Variants in ZRANB3 observed in about 807,000 individuals in gnomAD.
ZRANB3 encodes the protein zinc finger RANBP2-type containing 3.
ZRANB3 carries 125 observed loss-of-function variants against 133.8 expected under a neutral mutation model. That is an observed-to-expected ratio of 0.93 (90% confidence interval 0.81 to 1.08). The LOEUF (loss-of-function observed/expected upper bound fraction) is 1.08, where lower values mean the gene tolerates loss of function less well. Ranked by LOEUF, ZRANB3 falls within the 50% of genes least tolerant of loss-of-function variation. The pLI is 0.00. For synonymous variants in ZRANB3, 387 were observed against 432.7 expected (o/e 0.89, Z 1.31); for missense variants, 1,229 against 1,275.5 (o/e 0.96, Z 0.56).
intron 5 of ZRANB3, among the ~76,000 whole-genome samples, chr2:135,347,115 T>C (rs1163972703): frequency 6.6e-6 from 1 of 152,230 alleles, no homozygotes; most frequent in Non-Finnish European, 1.5e-5. Context: ...ACACATATAG[T>C]ATTTTCATTC....
At chr2:135,200,797 C>G (rs535635825) in intron 20 of ZRANB3, among the ~76,000 whole-genome samples, 1 of 146,972 alleles carries the variant, frequency 6.8e-6, no homozygotes, top group South Asian at 2.2e-4. Flanking sequence ...GTTCTTTTGC[C>G]GAGGCTGAAG....
At chr2:135,248,572 TAAAC>T (rs1249545587) in intron 12 of ZRANB3, among the ~76,000 whole-genome samples, 1 of 134,438 alleles carries the variant, frequency 7.4e-6, no homozygotes, top group Non-Finnish European at 1.5e-5. Context: ...ATAAGAAACT[TAAAC>T]AAATTTACAA....
intron 2 of ZRANB3, among the ~76,000 whole-genome samples, chr2:135,467,949 A>G (rs1290046061): frequency 6.6e-6 from 1 of 152,244 alleles, no homozygotes; most frequent in Non-Finnish European, 1.5e-5. Flanking sequence ...TACCAGCTCA[A>G]TATACATGTG....
intron 2 of ZRANB3, among the ~76,000 whole-genome samples, chr2:135,416,041 C>G (rs1434899740): frequency 1.3e-5 from 2 of 151,974 alleles, no homozygotes; most frequent in Admixed American, 6.6e-5. Context: ...CCTTTGAAAA[C>G]TGGCACAAGA....
chr2:135,416,442 C>A (rs1688577582), intron 2 of ZRANB3, among the ~76,000 whole-genome samples: 1 of 151,982 alleles, frequency 6.6e-6, no homozygotes, highest in East Asian at 1.9e-4. Context: ...CAAACCACTG[C>A]TCAATGAAAT....
chr2:135,319,148 GT>G (rs1683398352), intron 6 of ZRANB3, among the ~76,000 whole-genome samples: 1 of 152,170 alleles, frequency 6.6e-6, no homozygotes, highest in South Asian at 2.1e-4. Flanking sequence ...CCTTTTTAGA[GT>G]TAGACACTTT....
chr2:135,402,529 C>G (rs1031146911), intron 2 of ZRANB3, among the ~76,000 whole-genome samples: 12 of 151,984 alleles, frequency 7.9e-5, no homozygotes, highest in African/African-American at 2.2e-4. Flanking sequence ...CTCCTGACCT[C>G]ATGATCCACC....
chr2:135,487,278 G>T (rs1692165511), intron 2 of ZRANB3, among the ~76,000 whole-genome samples: 1 of 152,138 alleles, frequency 6.6e-6, no homozygotes, highest in Non-Finnish European at 1.5e-5. Context: ...TGTCATCCAG[G>T]CTTTGTTATT....
intron 12 of ZRANB3, among the ~76,000 whole-genome samples, chr2:135,242,789 C>G (rs945812995): frequency 6.6e-6 from 1 of 151,304 alleles, no homozygotes; most frequent in Non-Finnish European, 1.5e-5. Context: ...CCTTTCTTTC[C>G]TTATTTAATT....
In ZRANB3 at chr2:135,202,925, GAA is replaced by G. The variant is rs1387071359; in HGVS notation, c.3046_3047del (p.Phe1016LeufsTer38). 6.2e-7 allele frequency: 1 copy of G among 1,612,844 alleles called. No homozygotes were observed. The highest frequency in any genetic ancestry group is 8.5e-7 in the Non-Finnish European group (1 of 1,179,442). Reference sequence around the variant, plus strand: ...CTGGCTTGATGTGATCCACCTGCCAGAAATGTCCTTCCCCTGGGTTTCTTATC... The same window carrying G: ...CTGGCTTGATGTGATCCACCTGCCAGATGTCCTTCCCCTGGGTTTCTTATC... ...EMIRNPGEGH[F>X]WQVDHIKPVY... On this transcript the variant is annotated frameshift_variant, in exon 20 of 21. Coordinates refer to ENST00000264159, the MANE Select transcript of ZRANB3 (RefSeq NM_032143.4). LOFTEE classifies it high-confidence loss of function.
chr2:135,383,174 A>G (rs1418631824), intron 3 of ZRANB3, among the ~76,000 whole-genome samples: 4 of 152,196 alleles, frequency 2.6e-5, no homozygotes, highest in African/African-American at 7.2e-5. Context: ...GGAAAACAAA[A>G]AAAAAGGCAG....
rs1680194620 is a variant in ZRANB3, at chr2:135,265,578, T to C, written c.1495A>G (p.Asn499Asp). 1 of 1,613,720 alleles carries C rather than the reference T, an allele frequency of 6.2e-7. No homozygotes were observed. Among genetic ancestry groups the C allele is most frequent in the Non-Finnish European group, 8.5e-7 (1 of 1,179,784 alleles). Residue 499 changes from asparagine to aspartate, a missense_variant, in exon 12 of 21, where the codon AAT becomes GAT. By Grantham distance (23) the Asn-to-Asp change is conservative. Transcript: ENST00000264159. ...FLQFAEAWTP[N>D]DSSEELRKEA... ...TTCCTTAACTCTTCAGAACTGTCATTTGGAGTCCAAGCTTCAGCAAACTGC... is the reference window on the plus strand; with the variant it reads ...TTCCTTAACTCTTCAGAACTGTCATCTGGAGTCCAAGCTTCAGCAAACTGC...
At chr2:135,220,323 C>T (rs1352160021) in intron 15 of ZRANB3, among the ~76,000 whole-genome samples, 1 of 150,590 alleles carries the variant, frequency 6.6e-6, no homozygotes, top group Non-Finnish European at 1.5e-5. Context: ...TAGTTGAACT[C>T]ATATTCTCTC....
At chr2:135,418,048 C>T (rs1688668700) in intron 2 of ZRANB3, among the ~76,000 whole-genome samples, 2 of 152,066 alleles carry the variant, frequency 1.3e-5, no homozygotes, top group African/African-American at 4.8e-5. Context: ...CAGCATGGCA[C>T]ATGTATACAT....
intron 2 of ZRANB3, among the ~76,000 whole-genome samples, chr2:135,499,446 T>C (rs1692837978): frequency 6.6e-6 from 1 of 152,002 alleles, no homozygotes; most frequent in South Asian, 2.1e-4. Context: ...TAAATATACC[T>C]GATAAAAGAC....
chr2:135,345,865 TAAG>T (rs1684897292), intron 5 of ZRANB3, among the ~76,000 whole-genome samples: 1 of 152,308 alleles, frequency 6.6e-6, no homozygotes, highest in East Asian at 1.9e-4. Context: ...TTTATTCACA[TAAG>T]GAGGATCATA....
intron 2 of ZRANB3, among the ~76,000 whole-genome samples, chr2:135,494,148 A>G (rs1180001150): frequency 1.1e-5 from 1 of 92,972 alleles, no homozygotes; most frequent in Non-Finnish European, 1.9e-5. Flanking sequence ...GAAGGAAGGA[A>G]GGAAGGAAGG....
chr2:135,382,391 C>A (rs970561317), intron 3 of ZRANB3, among the ~76,000 whole-genome samples: 2 of 151,966 alleles, frequency 1.3e-5, no homozygotes, highest in Non-Finnish European at 2.9e-5. Context: ...AGTGACGGGG[C>A]GAATGGAACC....
intron 6 of ZRANB3, among the ~76,000 whole-genome samples, chr2:135,337,790 C>T (rs1684433946): frequency 6.6e-6 from 1 of 152,146 alleles, no homozygotes; most frequent in Non-Finnish European, 1.5e-5. Flanking sequence ...CCAAATTATA[C>T]TAGTTTTTCC....
Sources: allele counts gnomAD v4.1 joint callset (sites outside exome capture counted in the v4.1 genomes callset), GRCh38; gene constraint gnomAD v4.1.1; transcripts MANE v1.5; gene names NCBI Gene and HGNC (gene_info 2026-07-23, HGNC 2026-07-21).